CAMTA1: variants seen among roughly 807,000 people sequenced by gnomAD.
CAMTA1 encodes calmodulin binding transcription activator 1.
CAMTA1 carries 27 observed loss-of-function variants against 170.9 expected under a neutral mutation model. The observed-to-expected ratio is 0.16, with a 90% confidence interval of 0.12 to 0.22. The LOEUF is 0.22. CAMTA1 is among the 10% of genes least tolerant of loss of function. The pLI is 1.00. For missense variants in CAMTA1, 1,619 were observed against 2,217.2 expected (o/e 0.73, Z 5.42); for synonymous variants, 833 against 891.5 (o/e 0.93, Z 1.17).
At chr1:6,869,556 T>A (rs187224114) in intron 3 of CAMTA1, among the ~76,000 whole-genome samples, 1 of 152,200 alleles carries the variant, frequency 6.6e-6, no homozygotes, top group African/African-American at 2.4e-5. Flanking sequence ...TTTTTACTTA[T>A]TAAATTATAT....
chr1:7,260,061 C>T (rs1055690438), intron 5 of CAMTA1, among the ~76,000 whole-genome samples: 1 of 152,302 alleles, frequency 6.6e-6, no homozygotes, highest in African/African-American at 2.4e-5. Context: ...CCAGACTGTC[C>T]GTCCCAACAA....
At chr1:7,514,403 C>T (rs2094250082) in intron 6 of CAMTA1, among the ~76,000 whole-genome samples, 1 of 152,198 alleles carries the variant, frequency 6.6e-6, no homozygotes, top group African/African-American at 2.4e-5. Context: ...TGGGGAAGGG[C>T]ATTGACTTGT....
chr1:7,564,660 C>A (rs898901579), intron 6 of CAMTA1, among the ~76,000 whole-genome samples: 3 of 151,918 alleles, frequency 2.0e-5, no homozygotes, highest in Non-Finnish European at 4.4e-5. Flanking sequence ...GTGCGTGTGA[C>A]CCCCAGACAT....
chr1:7,041,883 T>G lies in CAMTA1; in HGVS notation c.235-49421T>G, dbSNP rs544822288. On this transcript the variant is annotated intron_variant, in intron 3 of 22. Coordinates refer to ENST00000303635, the MANE Select transcript of CAMTA1 (RefSeq NM_015215.4). The surrounding 1 kb of genome is among the most constrained non-coding windows in gnomAD (Gnocchi z 5.1). ...GGATTTGACTGAAGCCTCCACACTA[T>G]GGACAGACCAAGTGGTGGCAATAAT... Among the ~76,000 whole-genome samples the G allele has an allele frequency of 1.3e-5, 2 of 152,206 alleles. No individual in the cohort carries two copies. The highest frequency in any genetic ancestry group is 2.9e-5 in the Non-Finnish European group (2 of 68,026).
intron 7 of CAMTA1, among the ~76,000 whole-genome samples, chr1:7,655,678 T>TA (rs1558066819): frequency 7.6e-6 from 1 of 131,236 alleles, no homozygotes; most frequent in African/African-American, 2.6e-5. Context: ...CACACACTGA[T>TA]ACACACCTAT....
chr1:6,944,366 T>A (rs967019728), intron 3 of CAMTA1, among the ~76,000 whole-genome samples: 4 of 152,050 alleles, frequency 2.6e-5, no homozygotes, highest in African/African-American at 9.7e-5. Flanking sequence ...TCCGTGACAG[T>A]CCTCTGTTCA....
At chr1:7,601,540 G>A (rs2150573783) in intron 6 of CAMTA1, among the ~76,000 whole-genome samples, 1 of 152,322 alleles carries the variant, frequency 6.6e-6, no homozygotes. Context: ...AGACAGGGTG[G>A]CGGCCGGGCA....
chr1:7,030,368 T>C (rs1405728484), intron 3 of CAMTA1, among the ~76,000 whole-genome samples: 2 of 152,246 alleles, frequency 1.3e-5, no homozygotes, highest in East Asian at 3.8e-4. Context: ...TATGCAGATC[T>C]TCCACATGTT....
At chr1:7,500,025 T>C (rs2093958840) in intron 6 of CAMTA1, among the ~76,000 whole-genome samples, 1 of 140,378 alleles carries the variant, frequency 7.1e-6, no homozygotes, top group African/African-American at 2.7e-5. Flanking sequence ...ATTTACTGTG[T>C]AGAGAGGATT....
chr1:6,828,532 C>T (rs536568898), intron 3 of CAMTA1, among the ~76,000 whole-genome samples: 110 of 152,018 alleles, frequency 7.2e-4, no homozygotes, highest in African/African-American at 2.1e-3. Context: ...CCTTGTGATC[C>T]GCCCACCTCA....
intron 5 of CAMTA1, among the ~76,000 whole-genome samples, chr1:7,392,930 G>A (rs928715503): frequency 1.3e-5 from 2 of 151,942 alleles, no homozygotes; most frequent in Non-Finnish European, 2.9e-5. Context: ...GTGCACACCT[G>A]TAGTCCCAGC....
At chr1:7,559,480 AAT>A (rs910347689) in intron 6 of CAMTA1, among the ~76,000 whole-genome samples, 14 of 152,182 alleles carry the variant, frequency 9.2e-5, no homozygotes, top group African/African-American at 2.4e-5. Context: ...ATGAAATTTT[AAT>A]AGTCTCAGAT....
chr1:7,229,864 T>TC (rs1318038358), intron 4 of CAMTA1, among the ~76,000 whole-genome samples: 2 of 152,132 alleles, frequency 1.3e-5, no homozygotes, highest in East Asian at 3.9e-4. Flanking sequence ...GCCCGCATAG[T>TC]CCCCCGGCTC....
At chr1:7,321,707 C>T (rs1186588661) in intron 5 of CAMTA1, among the ~76,000 whole-genome samples, 1 of 152,188 alleles carries the variant, frequency 6.6e-6, no homozygotes, top group Non-Finnish European at 1.5e-5. Flanking sequence ...GGATCCCTAC[C>T]ATGGTGTTGG....
Position 7,633,754 on chromosome 1 carries a change from G to C in CAMTA1, c.511-6646G>C, listed in dbSNP as rs913077736. Among the ~76,000 whole-genome samples the C allele has an allele frequency of 6.6e-6, 1 of 152,242 alleles. No individual in the cohort carries two copies. The highest frequency in any genetic ancestry group is 6.5e-5 in the Admixed American group (1 of 15,288). On this transcript the variant is annotated intron_variant, in intron 6 of 22. Transcript: ENST00000303635. This position sits in a 1 kb window ranked among gnomAD's most constrained non-coding sequence, Gnocchi z 4.1. The stretch of plus-strand genomic sequence containing the variant: ...CCGCAGACAGAGTCCCAGCCATCCG[G>C]AGCTCACATTGTGGCCAGGAAAACA...
At chr1:7,398,760 A>G (rs940977628) in intron 5 of CAMTA1, among the ~76,000 whole-genome samples, 8 of 151,930 alleles carry the variant, frequency 5.3e-5, no homozygotes, top group African/African-American at 1.9e-4. Context: ...GTGATTTTCT[A>G]TAATAGTAAG....
At chr1:7,220,406 C>T (rs1378491988) in intron 4 of CAMTA1, among the ~76,000 whole-genome samples, 1 of 152,214 alleles carries the variant, frequency 6.6e-6, no homozygotes, top group African/African-American at 2.4e-5. Flanking sequence ...AACCCGCCTT[C>T]TGCTGGGTTG....
At chr1:7,129,724 C>T (rs549511047) in intron 4 of CAMTA1, among the ~76,000 whole-genome samples, 1 of 152,178 alleles carries the variant, frequency 6.6e-6, no homozygotes, top group Non-Finnish European at 1.5e-5. Context: ...CATGAAACCA[C>T]TACCACGATC....
intron 3 of CAMTA1, among the ~76,000 whole-genome samples, chr1:6,903,063 C>T (rs1677484642): frequency 6.6e-6 from 1 of 152,092 alleles, no homozygotes; most frequent in Admixed American, 6.5e-5. Context: ...TATCCATCAA[C>T]TGAAGAATGA....
Sources: allele counts gnomAD v4.1 joint callset (sites outside exome capture counted in the v4.1 genomes callset), GRCh38; gene constraint gnomAD v4.1.1; non-coding constraint Gnocchi (gnomAD v3.1); transcripts MANE v1.5; gene names NCBI Gene and HGNC (gene_info 2026-07-23, HGNC 2026-07-21).